The following KIF15 variants were observed in gnomAD, a reference collection of about 807,000 sequenced individuals.
KIF15 encodes kinesin-like protein KIF15.
A neutral mutation model predicts 190.6 loss-of-function variants in KIF15; 140 were observed. That is an observed-to-expected ratio of 0.73 (90% CI 0.64 to 0.84). The LOEUF is 0.84. KIF15 is among the 40% of genes least tolerant of loss of function. KIF15 has a pLI of 0.00. For synonymous variants in KIF15, 528 were observed against 551.3 expected, an observed-to-expected ratio of 0.96 and a Z score of 0.59; for missense variants, 1,372 against 1,584.4, an observed-to-expected ratio of 0.87 and a Z score of 2.28.
chr3:44,813,144 GA>G lies in KIF15; in HGVS notation c.2351del (p.Lys784SerfsTer13). 6.2e-7 allele frequency: 1 copy of G among 1,603,166 alleles called. No homozygotes were observed. Among genetic ancestry groups the G allele is most frequent in the Non-Finnish European group, 8.5e-7 (1 of 1,176,498 alleles). On this transcript the variant is annotated frameshift_variant, in exon 19 of 35. Transcript: ENST00000326047. LOFTEE classifies it high-confidence loss of function. ...GCTTCTCTCACAGTTGAATGTCCTT[GA>G]AAAGCAGCTTCAAGAGACTCAAACT... is the stretch of plus-strand genomic sequence containing the variant. Reference protein sequence around the residue: ...EELLSQLNVLEKQLQETQTKN... With the variant: ...EELLSQLNVLXKQLQETQTKN...
chr3:44,813,586 AT>A (rs1328796917), intron 19 of KIF15, among the ~76,000 whole-genome samples: 56 of 131,702 alleles, frequency 4.3e-4, no homozygotes, highest in African/African-American at 1.5e-3. Context: ...TGCCTGGCTA[AT>A]TTTTTTTTTC....
At chr3:44,864,141 G>T in intron 6 of KIF15, 2 of 1,608,356 alleles carry the variant, frequency 1.2e-6, no homozygotes, top group East Asian at 2.2e-5. Context: ...GCTTTGAGGG[G>T]GTCTGCAGGT....
At chr3:44,814,530 C>T (rs889321133) in intron 19 of KIF15, among the ~76,000 whole-genome samples, 4 of 152,080 alleles carry the variant, frequency 2.6e-5, no homozygotes, top group South Asian at 2.1e-4. Context: ...AGTCTGGTCT[C>T]GAACTCCTGA....
chr3:44,822,553 C>G (rs1178904177), intron 20 of KIF15, among the ~76,000 whole-genome samples: 2 of 152,170 alleles, frequency 1.3e-5, no homozygotes, highest in Non-Finnish European at 2.9e-5. Flanking sequence ...GTTGGCCTGC[C>G]TTGCTAGGTT....
chr3:44,821,264 C>T (rs1438421304), intron 20 of KIF15, among the ~76,000 whole-genome samples: 1 of 150,230 alleles, frequency 6.7e-6, no homozygotes. Flanking sequence ...GGCTGACCCC[C>T]CCACCTCCCT....
chr3:44,786,090 C>T (rs1384270111), intron 6 of KIF15, among the ~76,000 whole-genome samples: 2 of 152,142 alleles, frequency 1.3e-5, no homozygotes, highest in Non-Finnish European at 2.9e-5. Flanking sequence ...GTGGCGGGCA[C>T]CTGTAGTCCC....
intron 20 of KIF15, among the ~76,000 whole-genome samples, chr3:44,823,088 T>C (rs1007508170): frequency 2.6e-5 from 4 of 152,198 alleles, no homozygotes; most frequent in African/African-American, 9.6e-5. Flanking sequence ...GAAGAGGCGC[T>C]CTGGTTTTTA....
rs199704142 is a variant in KIF15 at position 44,778,160 on chromosome 3, A to G, written c.292A>G (p.Met98Val). 171 of 1,613,984 alleles carry G rather than the reference A, an allele frequency of 1.1e-4. No individual in the cohort carries two copies. The highest frequency in any genetic ancestry group is 1.0e-3 in the East Asian group (46 of 44,878). ...TVAKSIVESC[M>V]SGYNGTIFAY... ...GGCTAAAAGCATTGTGGAGTCTTGC[A>G]TGAGCGGTTATAATGGTACCATCTT... The change falls in exon 4 of 35, where the codon ATG becomes GTG. Residue 98 changes from methionine to valine, a missense_variant. Physicochemically the swap from Met to Val is conservative, Grantham distance 21. Transcript: ENST00000326047.
chr3:44,782,123 C>T (rs755256951), intron 5 of KIF15, among the ~76,000 whole-genome samples: 6 of 152,102 alleles, frequency 3.9e-5, no homozygotes, highest in East Asian at 1.9e-4. Context: ...AATCTTGGCT[C>T]ACTGCAACCT....
intron 1 of KIF15, among the ~76,000 whole-genome samples, chr3:44,771,998 C>A (rs1205702407): frequency 6.6e-6 from 1 of 152,198 alleles, no homozygotes; most frequent in East Asian, 1.9e-4. Flanking sequence ...AGATTAAAGT[C>A]ATGTGAACTA....
intron 8 of KIF15, among the ~76,000 whole-genome samples, chr3:44,796,206 G>A (rs368870059): frequency 3.9e-5 from 6 of 152,062 alleles, no homozygotes; most frequent in African/African-American, 1.2e-4. Context: ...AATAAATATA[G>A]CATATGGGTT....
intron 26 of KIF15, 146 bp from the exon 27 acceptor site, chr3:44,838,129 G>A: frequency 1.4e-6 from 1 of 708,538 alleles, no homozygotes; most frequent in Non-Finnish European, 2.3e-6. Context: ...TGATTACTTT[G>A]TCTTAGAATG....
chr3:44,775,703 C>T (rs2125903829), intron 3 of KIF15, among the ~76,000 whole-genome samples: 1 of 152,022 alleles, frequency 6.6e-6, no homozygotes, highest in South Asian at 2.1e-4. Context: ...ATCTGCCCGC[C>T]TCAGCCTCCC....
At position 44,819,018 on chromosome 3, in the gene KIF15, A is replaced by G. The variant is rs184817429; in HGVS notation, c.2549+3942A>G. 1.5e-3 allele frequency among the ~76,000 whole-genome samples: 235 copies of G among 152,244 alleles called. 2 individuals carry two copies. Among genetic ancestry groups the G allele is most frequent in the Middle Eastern group, 3.4e-3 (1 of 294 alleles). Reference sequence around the variant, plus strand: ...TTCATCCATTTCTTCTAGATTTTCTAGTTTATTTGCGTAGAGGTGTTTATA... The same window carrying G: ...TTCATCCATTTCTTCTAGATTTTCTGGTTTATTTGCGTAGAGGTGTTTATA... On this transcript the variant is annotated intron_variant, in intron 20 of 34. Transcript: ENST00000326047.
At position 44,789,952 on chromosome 3, in the gene KIF15, T is replaced by C. The variant is rs1308687148; in HGVS notation, c.639+3378T>C. Among the ~76,000 whole-genome samples, 4 of 152,116 alleles carry C rather than the reference T, an allele frequency of 2.6e-5. No individual in the cohort carries two copies. In the South Asian group the frequency reaches 6.2e-4, roughly 24 times the overall value. Reference sequence around the variant, plus strand: ...TATACATTTATTTTAAAAAGAATAATAACAACTAAGATAATTATTTACCCA... The same window carrying C: ...TATACATTTATTTTAAAAAGAATAACAACAACTAAGATAATTATTTACCCA... On this transcript the variant is annotated intron_variant, in intron 7 of 34. Coordinates refer to ENST00000326047, the MANE Select transcript of KIF15 (RefSeq NM_020242.3).
Position 44,777,559 on chromosome 3 carries a change from T to C in KIF15, c.247-556T>C, listed in dbSNP as rs558756286. On this transcript the variant is annotated intron_variant, in intron 3 of 34. Transcript: ENST00000326047. ...ATAAAAAATTAGCCAGGCATGGTGG[T>C]GTGCACCTGTAGTCCCAGCTACACA... Among the ~76,000 whole-genome samples the C allele has an allele frequency of 2.0e-4, 30 of 152,194 alleles. No homozygotes were observed. The South Asian group carries it at 6.2e-3, about 32-fold the overall frequency.
At chr3:44,788,113 A>G (rs1018653284) in intron 7 of KIF15, among the ~76,000 whole-genome samples, 30 of 152,204 alleles carry the variant, frequency 2.0e-4, no homozygotes, top group Non-Finnish European at 2.9e-5. Flanking sequence ...TTGGCCTCCC[A>G]AAGTGCTAGG....
chr3:44,787,401 T>G (rs548843196), intron 7 of KIF15, among the ~76,000 whole-genome samples: 43 of 152,218 alleles, frequency 2.8e-4, no homozygotes, highest in Admixed American at 1.4e-3. Flanking sequence ...TAAAACTCAA[T>G]GTGGTTTATG....
At chr3:44,861,911 T>C (rs1384587197) in intron 6 of KIF15, 3 of 1,483,334 alleles carry the variant, frequency 2.0e-6, no homozygotes, top group African/African-American at 2.9e-5. Context: ...CCAGGCACGG[T>C]GTCAGCAGGC....
Sources: allele counts gnomAD v4.1 joint callset (sites outside exome capture counted in the v4.1 genomes callset), GRCh38; gene constraint gnomAD v4.1.1; transcripts MANE v1.5; gene names NCBI Gene and HGNC (gene_info 2026-07-23, HGNC 2026-07-21).